The following AP4B1 variants were observed in gnomAD, a reference collection of about 807,000 sequenced individuals.
AP4B1 encodes the protein AP-4 complex subunit beta-1.
AP4B1 carries 49 observed loss-of-function variants against 76.5 expected under a neutral mutation model. The observed-to-expected ratio is 0.64, with a 90% CI of 0.51 to 0.81. The LOEUF is 0.81. Among genes scored for constraint, AP4B1 ranks in the 40% least tolerant of loss-of-function variants. The pLI, the probability that AP4B1 is intolerant of heterozygous loss-of-function variation, is 0.00. For missense variants in AP4B1, 911 were observed against 904.9 expected (o/e 1.01, Z -0.09); for synonymous variants, 330 against 333.3 (o/e 0.99, Z 0.11).
chr1:113,900,605 A>C, intron 4 of AP4B1: 1 of 625,374 alleles, frequency 1.6e-6, no homozygotes, highest in East Asian at 2.8e-5. Context: ...TGTTAATACA[A>C]ATGCACACTC....
At position 113,904,778 on chromosome 1, in the gene AP4B1, G is replaced by T. The variant is rs1668763318; in HGVS notation, c.-61C>A. 1.5e-6 allele frequency: 2 copies of T among 1,355,510 alleles called. No homozygotes were observed. Among genetic ancestry groups the T allele is most frequent in the Non-Finnish European group, 2.1e-6 (2 of 946,230 alleles). The allele number at this position is 1,355,510 out of a possible 1,614,324, so 84.0% of individuals were successfully genotyped here. ...CACGGTAACTCGAGGGCTCCTTCTC[G>T]TCCTGATGTGGGAGCCTGAGTAAAG... On this transcript the variant is annotated 5_prime_UTR_variant, in exon 1 of 10. Transcript: ENST00000369569.
Position 113,900,023 on chromosome 1 carries a change from T to C in AP4B1, c.995A>G (p.Lys332Arg), listed in dbSNP as rs1668025700. The C allele has an allele frequency of 1.9e-6, 3 of 1,614,088 alleles. No individual in the cohort carries two copies. Among genetic ancestry groups the C allele is most frequent in the Non-Finnish European group, 2.5e-6 (3 of 1,179,958 alleles). The change falls in exon 5 of 10, where the codon AAA (lysine) becomes AGA (arginine). Residue 332 changes from lysine (K) to arginine (R), a missense_variant. By Grantham distance (26) the Lys-to-Arg change is conservative. Transcript: ENST00000369569. ...YSEPHYIKLQ[K>R]VEVLCELVND... ...CACCAGTTCACACAGCACCTCCACT[T>C]TCTGTAGTTTGATGTAGTGGGGCTC...
At position 113,898,731 on chromosome 1, in the gene AP4B1, C is replaced by T. The variant is rs1267105190; in HGVS notation, c.1185G>A (p.Glu395=). 1.2e-6 allele frequency: 2 copies of T among 1,609,296 alleles called. No homozygotes were observed. Residue 395 remains glutamate (E), a synonymous_variant, in exon 6 of 10, where the codon GAG becomes GAA. Transcript: ENST00000369569. ...ILTELLGLRQ[E]HITTVVVQTF... ...GGCAGGCATTACCTGTGGTAATGTG[C>T]TCTTGTCGAAGACCCAGCAACTCTG...
At chr1:113,896,528 T>C (rs1471201783) in intron 7 of AP4B1, 63 bp from the exon 8 acceptor site, 9 of 1,535,008 alleles carry the variant, frequency 5.9e-6, no homozygotes, top group Admixed American at 1.7e-5. Flanking sequence ...CAGGAGATAA[T>C]AGACAGCCAC....
At chr1:113,902,372 A>C (rs1668384372) in intron 2 of AP4B1, among the ~76,000 whole-genome samples, 1 of 152,168 alleles carries the variant, frequency 6.6e-6, no homozygotes, top group African/African-American at 2.4e-5. Context: ...ACAGGCAGCA[A>C]AAAAAGATAT....
chr1:113,897,713 G>T, intron 7 of AP4B1, 127 bp downstream of exon 7: 1 of 935,324 alleles, frequency 1.1e-6, no homozygotes, highest in Middle Eastern at 2.4e-4. Flanking sequence ...GAGAATCTAA[G>T]GTGGCAATCA....
intron 9 of AP4B1, 97 bp from the exon 10 acceptor site, chr1:113,895,589 T>C: frequency 6.4e-7 from 1 of 1,560,308 alleles, no homozygotes; most frequent in Non-Finnish European, 8.8e-7. Flanking sequence ...TGACTTTTAT[T>C]TTTGGACAAA....
In AP4B1 at chr1:113,901,859, T is replaced by C. The variant is rs1012210065; in HGVS notation, c.365A>G (p.Gln122Arg). 1 of 1,614,148 alleles carries C rather than the reference T, an allele frequency of 6.2e-7. No individual in the cohort carries two copies. The change falls in exon 3 of 10, where the codon CAA becomes CGA. Residue 122 changes from glutamine to arginine, a missense_variant. Physicochemically the swap from Gln to Arg is conservative, Grantham distance 43. Coordinates refer to ENST00000369569, the MANE Select transcript of AP4B1 (RefSeq NM_001253852.3). Reference sequence around the variant, plus strand: ...CCGCAGACCATTGAGAATAGGCTGTTGTATATACTCCTGCACACCAGGCAT... The same window carrying C: ...CCGCAGACCATTGAGAATAGGCTGTCGTATATACTCCTGCACACCAGGCAT... ...LRMPGVQEYI[Q>R]QPILNGLRDK...
intron 7 of AP4B1, 149 bp from the exon 8 acceptor site, chr1:113,896,614 G>T: frequency 1.4e-6 from 1 of 715,864 alleles, no homozygotes; most frequent in Non-Finnish European, 2.4e-6. Context: ...CTGATTCCCC[G>T]TACTATACTC....
intron 4 of AP4B1, 189 bp from the exon 5 acceptor site, chr1:113,900,589 A>G (rs1432579383): frequency 2.9e-6 from 2 of 685,456 alleles, no homozygotes; most frequent in Non-Finnish European, 4.8e-6. Flanking sequence ...AAATTCCAAG[A>G]TGAGTTGTTA....
chr1:113,902,559 T>C (rs892556518), intron 2 of AP4B1, 79 bp downstream of exon 2: 1 of 1,416,866 alleles, frequency 7.1e-7, no homozygotes, highest in Non-Finnish European at 9.9e-7. Flanking sequence ...CTCAAATAAA[T>C]TATCCTCTTT....
At chr1:113,903,313 G>C (rs549910075) in intron 1 of AP4B1, among the ~76,000 whole-genome samples, 5 of 152,322 alleles carry the variant, frequency 3.3e-5, no homozygotes, top group African/African-American at 1.2e-4. Context: ...TGATCCACCC[G>C]CCTTGGCCTC....
rs756699021 is a variant in AP4B1 at position 113,901,814 on chromosome 1, C to T, written c.410G>A (p.Arg137Lys). Residue 137 changes from arginine (R) to lysine (K), a missense_variant, in exon 3 of 10, where the codon AGG becomes AAG. By Grantham distance (26) the Arg-to-Lys change is conservative. Coordinates refer to ENST00000369569, the MANE Select transcript of AP4B1 (RefSeq NM_001253852.3). The stretch of plus-strand genomic sequence containing the variant: ...GGCACATCCAAGGACTGCCACTCTC[C>T]TGACATATGAAGCCTTATCCCGCAG... ...NGLRDKASYV[R>K]RVAVLGCAKM... The T allele has an allele frequency of 6.2e-7, 1 of 1,614,194 alleles. No individual in the cohort carries two copies. The highest frequency in any genetic ancestry group is 8.5e-7 in the Non-Finnish European group (1 of 1,180,026).
intron 6 of AP4B1, among the ~76,000 whole-genome samples, 154 bp downstream of exon 6, chr1:113,898,564 A>G (rs1667782653): frequency 6.6e-6 from 1 of 152,264 alleles, no homozygotes; most frequent in South Asian, 2.1e-4. Context: ...TATTAGATCT[A>G]TAGACTTTAT....
At chr1:113,896,613 C>T (rs560540860) in intron 7 of AP4B1, 148 bp from the exon 8 acceptor site, 131 of 718,246 alleles carry the variant, frequency 1.8e-4, no homozygotes, top group Admixed American at 7.5e-4. Context: ...ACTGATTCCC[C>T]GTACTATACT....
chr1:113,903,925 AG>A lies in AP4B1; in HGVS notation c.113+679del, dbSNP rs550746359. Among the ~76,000 whole-genome samples, 39 of 152,346 alleles carry A rather than the reference AG, an allele frequency of 2.6e-4. No homozygotes were observed. In the East Asian group the frequency reaches 7.3e-3, roughly 29 times the overall value. ...GGACTGGATGACAAAAAGCACCCCA[AG>A]GGATTTTTATGCATAGTAAAGTTTG... On this transcript the variant is annotated intron_variant, in intron 1 of 9. Coordinates refer to ENST00000369569, the MANE Select transcript of AP4B1 (RefSeq NM_001253852.3).
At chr1:113,904,302 T>C (rs1423597780) in intron 1 of AP4B1, among the ~76,000 whole-genome samples, 2 of 152,104 alleles carry the variant, frequency 1.3e-5, no homozygotes, top group African/African-American at 4.8e-5. Flanking sequence ...CACGTGGAAA[T>C]GCCAAGCAGG....
In AP4B1 at chr1:113,904,685, C is replaced by G. The variant is rs1668749114; in HGVS notation, c.33G>C (p.Lys11Asn). Residue 11 changes from lysine (K) to asparagine (N), a missense_variant, in exon 1 of 10, where the codon AAG (lysine) becomes AAC (asparagine). Coordinates refer to ENST00000369569, the MANE Select transcript of AP4B1 (RefSeq NM_001253852.3). ...GATTGCACAGAGCCTTCTTCAGCTC[C>G]TTCACCACGTCCTCGGAGCCAAGGT... MPYLGSEDVV[K>N]ELKKALCNPH... is the part of the protein sequence containing the mutation. 4 of 1,612,746 alleles carry G rather than the reference C, an allele frequency of 2.5e-6. No individual in the cohort carries two copies. The highest frequency in any genetic ancestry group is 3.4e-6 in the Non-Finnish European group (4 of 1,180,016).
At chr1:113,898,262 C>T (rs1158979262) in intron 6 of AP4B1, among the ~76,000 whole-genome samples, 1 of 152,114 alleles carries the variant, frequency 6.6e-6, no homozygotes, top group Non-Finnish European at 1.5e-5. Flanking sequence ...ATAGAACCAC[C>T]AGGCCTGGGA....
Sources: gnomAD v4.1 joint callset for allele counts (sites outside exome capture counted in the v4.1 genomes callset) on GRCh38, gnomAD v4.1.1 for gene constraint, MANE v1.5 for transcripts, NCBI Gene and HGNC (gene_info 2026-07-23, HGNC 2026-07-21) for gene names.